RBM47: variants seen among roughly 807,000 people sequenced by gnomAD.
RBM47 encodes the protein RNA binding motif protein 47.
Under a neutral mutation model 47.1 loss-of-function variants are expected in RBM47, and 21 were observed. That is an observed-to-expected ratio of 0.45 (90% CI 0.32 to 0.64). RBM47 has a LOEUF of 0.64. RBM47 is among the 30% of genes least tolerant of loss of function. The pLI is 0.05. For synonymous variants in RBM47, 375 were observed against 361.7 expected, an observed-to-expected ratio of 1.04 and a Z score of -0.42; for missense variants, 708 against 870.9, an observed-to-expected ratio of 0.81 and a Z score of 2.35.
At chr4:40,616,279 G>A (rs531116803) in intron 1 of RBM47, among the ~76,000 whole-genome samples, 130 of 151,546 alleles carry the variant, frequency 8.6e-4, no homozygotes, top group Middle Eastern at 3.4e-3. Context: ...GCGTGAACCC[G>A]GGAGGCGGAG....
intron 1 of RBM47, among the ~76,000 whole-genome samples, chr4:40,561,249 G>A (rs1233238877): frequency 7.1e-5 from 2 of 28,190 alleles, no homozygotes; most frequent in Non-Finnish European, 1.5e-4. Flanking sequence ...TTTTTTTTTT[G>A]AGACGGAGTT....
intron 3 of RBM47, among the ~76,000 whole-genome samples, chr4:40,465,686 A>C (rs1361596119): frequency 1.3e-5 from 2 of 152,048 alleles, no homozygotes. Context: ...CTCCAAAAAA[A>C]AAAAAAGAGA....
intron 2 of RBM47, among the ~76,000 whole-genome samples, chr4:40,505,614 G>T (rs1723991695): frequency 1.3e-5 from 2 of 150,902 alleles, no homozygotes; most frequent in Non-Finnish European, 3.0e-5. Context: ...TTGGCTGGAC[G>T]CGGTGGCTCA....
chr4:40,584,727 CA>C (rs200351107), intron 1 of RBM47, among the ~76,000 whole-genome samples: 8 of 150,024 alleles, frequency 5.3e-5, no homozygotes, highest in Admixed American at 4.6e-4. Context: ...TTGTGTTTAA[CA>C]AAAAAAAATG....
At chr4:40,485,915 A>G (rs1721004284) in intron 2 of RBM47, among the ~76,000 whole-genome samples, 2 of 150,358 alleles carry the variant, frequency 1.3e-5, no homozygotes, top group African/African-American at 4.9e-5. Context: ...AAAAAAAAAT[A>G]CAAACATTAG....
intron 1 of RBM47, among the ~76,000 whole-genome samples, chr4:40,619,708 G>A (rs1737077256): frequency 6.6e-6 from 1 of 152,176 alleles, no homozygotes; most frequent in Non-Finnish European, 1.5e-5. Flanking sequence ...CCTCCCTGGA[G>A]GAGCCTTCTC....
chr4:40,505,060 A>G (rs1723902497), intron 2 of RBM47, among the ~76,000 whole-genome samples: 1 of 152,166 alleles, frequency 6.6e-6, no homozygotes, highest in Non-Finnish European at 1.5e-5. Flanking sequence ...GCACGGTGGC[A>G]CATGCCTGTA....
At chr4:40,561,227 CTTTTTTTTTT>C (rs1176318537) in intron 1 of RBM47, among the ~76,000 whole-genome samples, 15 of 113,646 alleles carry the variant, frequency 1.3e-4, no homozygotes, top group African/African-American at 4.7e-4. Context: ...TTTCCATTGT[CTTTTTTTTTT>C]TTTTTTTTTT....
At chr4:40,514,974 A>G (rs1329893515) in intron 2 of RBM47, among the ~76,000 whole-genome samples, 1 of 152,246 alleles carries the variant, frequency 6.6e-6, no homozygotes, top group Non-Finnish European at 1.5e-5. Context: ...ACCGGCGAAT[A>G]TGTAGACGCA....
At chr4:40,453,872 C>G (rs879539801) in intron 3 of RBM47, among the ~76,000 whole-genome samples, 11 of 152,002 alleles carry the variant, frequency 7.2e-5, no homozygotes, top group Non-Finnish European at 1.5e-4. Context: ...GAAATAATCT[C>G]TCCAAGAGTT....
chr4:40,568,537 CAT>C (rs1731326584), intron 1 of RBM47, among the ~76,000 whole-genome samples: 1 of 144,806 alleles, frequency 6.9e-6, no homozygotes. Flanking sequence ...ATGAATTTAA[CAT>C]GTTGCCCTCC....
intron 3 of RBM47, among the ~76,000 whole-genome samples, chr4:40,462,931 A>G (rs957429113): frequency 1.3e-5 from 2 of 152,242 alleles, no homozygotes; most frequent in Admixed American, 6.5e-5. Flanking sequence ...CAGCAACAAA[A>G]GAAAAAATAG....
chr4:40,566,616 C>A (rs114055434), intron 1 of RBM47, among the ~76,000 whole-genome samples: 1 of 151,874 alleles, frequency 6.6e-6, no homozygotes, highest in South Asian at 2.1e-4. Context: ...CTACACTCCA[C>A]GCTGGGCGAC....
intron 2 of RBM47, among the ~76,000 whole-genome samples, chr4:40,511,675 G>A (rs12503057): frequency 0.13 from 19,123 of 152,234 alleles, 1,329 homozygotes; most frequent in East Asian, 0.21. Context: ...ACTAAATCGG[G>A]CTGGGCACAG....
intron 2 of RBM47, among the ~76,000 whole-genome samples, chr4:40,478,009 CTTTTTTT>C (rs1194806938): frequency 1.2e-5 from 1 of 86,412 alleles, no homozygotes; most frequent in African/African-American, 4.8e-5. Context: ...GTGGCATGTT[CTTTTTTT>C]TTTTTTTTTT....
In RBM47 at chr4:40,495,372, C is replaced by T. The variant is rs373383005; in HGVS notation, c.-154-28673G>A. ...CTGTAATCCCCTTGGGAGCCTGAGG[C>T]AGGTGGATCACTTGAGGCCAGGAGT... On this transcript the variant is annotated intron_variant, in intron 2 of 6. Coordinates refer to ENST00000295971, the MANE Select transcript of RBM47 (RefSeq NM_001098634.2). Among the ~76,000 whole-genome samples, 27 of 152,214 alleles carry T rather than the reference C, an allele frequency of 1.8e-4. No individual in the cohort carries two copies. The East Asian group carries it at 4.1e-3, about 23-fold the overall frequency.
rs190146764 is a variant in RBM47, at chr4:40,532,827, T to C, written c.-155+11595A>G. ...GAACATCACATATAAATAGAAGTAGTTGTCATAACACCACACAAGATCCCT... is the reference window on the plus strand; with the variant it reads ...GAACATCACATATAAATAGAAGTAGCTGTCATAACACCACACAAGATCCCT... On this transcript the variant is annotated intron_variant, in intron 2 of 6. Coordinates refer to ENST00000295971, the MANE Select transcript of RBM47 (RefSeq NM_001098634.2). Among the ~76,000 whole-genome samples the C allele has an allele frequency of 7.2e-5, 11 of 152,192 alleles. No homozygotes were observed. In the East Asian group the frequency reaches 2.1e-3, roughly 29 times the overall value.
rs1295462407 is a variant in RBM47 at position 40,425,104 on chromosome 4, G to T, written c.*800C>A. On this transcript the variant is annotated 3_prime_UTR_variant, in exon 7 of 7. Coordinates refer to ENST00000295971, the MANE Select transcript of RBM47 (RefSeq NM_001098634.2). ...CCTAGGCTTGCCAAACATTGCGGTGGGATTGGGAATCTGGGGAGGAGGGGA... is the reference window on the plus strand; with the variant it reads ...CCTAGGCTTGCCAAACATTGCGGTGTGATTGGGAATCTGGGGAGGAGGGGA... 6.6e-6 allele frequency: 1 copy of T among 152,564 alleles called. No individual in the cohort carries two copies. Among genetic ancestry groups the T allele is most frequent in the South Asian group, 2.1e-4 (1 of 4,822 alleles). 9.5% of individuals were successfully genotyped at this position (152,564 alleles called of 1,614,324 possible). A position where few individuals can be genotyped will look rare whatever the true frequency, so the allele number is the denominator to read the frequency against.
intron 2 of RBM47, among the ~76,000 whole-genome samples, chr4:40,512,146 C>T (rs1263709395): frequency 2.0e-5 from 3 of 152,116 alleles, no homozygotes; most frequent in South Asian, 2.1e-4. Flanking sequence ...TATTGCCAGG[C>T]GCGGTGGCTC....
Sources: allele counts gnomAD v4.1 joint callset (sites outside exome capture counted in the v4.1 genomes callset), GRCh38; gene constraint gnomAD v4.1.1; transcripts MANE v1.5; gene names NCBI Gene and HGNC (gene_info 2026-07-23, HGNC 2026-07-21).